Variants in GAB1 observed in about 807,000 individuals in gnomAD.
The protein encoded by GAB1 is GRB2-associated-binding protein 1.
Under a neutral mutation model 66.5 loss-of-function variants are expected in GAB1, and 19 were observed. The observed-to-expected ratio is 0.29, with a 90% CI of 0.20 to 0.42. GAB1 has a LOEUF of 0.42. Ranked by LOEUF, GAB1 falls within the 10% of genes least tolerant of loss-of-function variation. The pLI, the probability that GAB1 is intolerant of heterozygous loss-of-function variation, is 1.00. For missense variants in GAB1, 732 were observed against 858.5 expected, an observed-to-expected ratio of 0.85 and a Z score of 1.84; for synonymous variants, 294 against 301.4, an observed-to-expected ratio of 0.98 and a Z score of 0.25.
At chr4:143,360,890 A>G (rs189190408) in intron 1 of GAB1, among the ~76,000 whole-genome samples, 119 of 152,358 alleles carry the variant, frequency 7.8e-4, no homozygotes, top group African/African-American at 2.7e-3. Context: ...AAGTCAGATT[A>G]TTGTAGGAGA....
chr4:143,393,772 T>G (rs919172816), intron 1 of GAB1, among the ~76,000 whole-genome samples: 5 of 152,082 alleles, frequency 3.3e-5, no homozygotes, highest in Non-Finnish European at 5.9e-5. Flanking sequence ...AGGCCCATAG[T>G]CAAATGTAAA....
At chr4:143,345,826 C>T (rs300918) in intron 1 of GAB1, among the ~76,000 whole-genome samples, 71,080 of 152,106 alleles carry the variant, frequency 0.47, 18,055 homozygotes, top group East Asian at 0.74. Flanking sequence ...GCAAGTTTCA[C>T]ATTTGCTTTT....
intron 1 of GAB1, among the ~76,000 whole-genome samples, chr4:143,338,070 T>C (rs1403004625): frequency 6.6e-6 from 1 of 152,198 alleles, no homozygotes; most frequent in Admixed American, 6.5e-5. Context: ...TAATGGTGTT[T>C]GTGTAATTGA....
At position 143,433,666 on chromosome 4, in the gene GAB1, A is replaced by G; in HGVS notation, c.543A>G (p.Gln181=). 6.2e-7 allele frequency: 1 copy of G among 1,614,038 alleles called. No homozygotes were observed. The highest frequency in any genetic ancestry group is 8.5e-7 in the Non-Finnish European group (1 of 1,179,922). ...CTCTTGGCATTCAGGAGGATCCTCA[A>G]GACTACCTGTTGCTCATCAACTGTC... ...LETLGIQEDP[Q]DYLLLINCQS... The change falls in exon 3 of 10, where the codon CAA becomes CAG. Residue 181 remains glutamine (Q), a synonymous_variant. Coordinates refer to ENST00000262994, the MANE Select transcript of GAB1 (RefSeq NM_002039.4).
intron 2 of GAB1, chr4:143,425,628 G>T (rs577058247): frequency 7.5e-5 from 57 of 761,664 alleles, no homozygotes; most frequent in Non-Finnish European, 1.0e-4. Context: ...ACATCCATGG[G>T]AGGTCATGCC....
Position 143,425,150 on chromosome 4 carries a change from G to A in GAB1, c.368-8341G>A, listed in dbSNP as rs145294438. The A allele has an allele frequency of 6.7e-5, 55 of 814,830 alleles. 1 individual carries two copies. The East Asian group carries it at 1.3e-3, about 19-fold the overall frequency. 50.5% of individuals were successfully genotyped at this position (814,830 alleles called of 1,614,324 possible). A position where few individuals can be genotyped will look rare whatever the true frequency, so the allele number is the denominator to read the frequency against. On this transcript the variant is annotated intron_variant, in intron 2 of 9. Transcript: ENST00000262994. ...GTGGCACCAGTCTTGACTTCCAGAT[G>A]GAATAGTACATCTCTAAAAGGAAAA...
chr4:143,342,187 C>T (rs189479022), intron 1 of GAB1, among the ~76,000 whole-genome samples: 220 of 151,972 alleles, frequency 1.4e-3, no homozygotes, highest in Non-Finnish European at 2.2e-3. Flanking sequence ...GAACTCTCCA[C>T]GTGCAACTTG....
chr4:143,344,378 A>C (rs1220376126), intron 1 of GAB1, among the ~76,000 whole-genome samples: 1 of 152,116 alleles, frequency 6.6e-6, no homozygotes, highest in African/African-American at 2.4e-5. Flanking sequence ...AATTTCCACC[A>C]AGTTAGAGCT....
intron 1 of GAB1, among the ~76,000 whole-genome samples, chr4:143,348,951 C>T (rs550995018): frequency 6.6e-6 from 1 of 152,186 alleles, no homozygotes; most frequent in South Asian, 2.1e-4. Context: ...ACTTTGGGAA[C>T]CTTCTCTGAA....
At chr4:143,345,313 T>C (rs564361353) in intron 1 of GAB1, among the ~76,000 whole-genome samples, 5 of 152,208 alleles carry the variant, frequency 3.3e-5, no homozygotes, top group Non-Finnish European at 7.3e-5. Flanking sequence ...CTTTTTACTT[T>C]GAATTCATAC....
chr4:143,349,723 T>C, intron 1 of GAB1: 1 of 1,582,860 alleles, frequency 6.3e-7, no homozygotes, highest in Non-Finnish European at 8.6e-7. Context: ...GGCCACCTCC[T>C]TGGAGCACTT....
intron 1 of GAB1, among the ~76,000 whole-genome samples, chr4:143,350,786 G>T (rs527713622): frequency 6.6e-6 from 1 of 151,986 alleles, no homozygotes; most frequent in African/African-American, 2.4e-5. Flanking sequence ...GTATTTAGGA[G>T]CAAAAATTGA....
At chr4:143,440,674 T>C (rs1198094827) in intron 6 of GAB1, among the ~76,000 whole-genome samples, 1 of 152,158 alleles carries the variant, frequency 6.6e-6, no homozygotes, top group Non-Finnish European at 1.5e-5. Flanking sequence ...GAAACTGGAC[T>C]GCCGTAGCCC....
chr4:143,413,824 C>CTTTTTTTTTTT (rs35422180), intron 1 of GAB1, among the ~76,000 whole-genome samples: 5 of 67,824 alleles, frequency 7.4e-5, no homozygotes, highest in African/African-American at 2.8e-4. Flanking sequence ...CCCCGCTGCC[C>CTTTTTTTTTTT]TTTTTTTTTT....
At chr4:143,381,650 C>G (rs1730663063) in intron 1 of GAB1, among the ~76,000 whole-genome samples, 1 of 152,120 alleles carries the variant, frequency 6.6e-6, no homozygotes, top group African/African-American at 2.4e-5. Flanking sequence ...GTATTTTGCT[C>G]CAGTCTGTTA....
chr4:143,362,620 A>G (rs541932022), intron 1 of GAB1, among the ~76,000 whole-genome samples: 3 of 152,202 alleles, frequency 2.0e-5, no homozygotes, highest in African/African-American at 4.8e-5. Flanking sequence ...GTAAACTGTC[A>G]TGGCGCTGAT....
chr4:143,468,716 G>A (rs1375424208), intron 9 of GAB1, among the ~76,000 whole-genome samples: 1 of 151,660 alleles, frequency 6.6e-6, no homozygotes, highest in African/African-American at 2.4e-5. Flanking sequence ...TTGAGGTGAG[G>A]AGTTTGAGAC....
intron 1 of GAB1, 34 bp from the exon 2 acceptor site, chr4:143,415,438 CAAGTT>C (rs750889052): frequency 1.3e-5 from 19 of 1,464,820 alleles, no homozygotes; most frequent in Non-Finnish European, 1.7e-5. Flanking sequence ...AACATTATCT[CAAGTT>C]AATACTGAAT....
intron 1 of GAB1, among the ~76,000 whole-genome samples, chr4:143,379,636 A>G (rs925348062): frequency 2.0e-5 from 3 of 152,046 alleles, no homozygotes; most frequent in African/African-American, 4.8e-5. Context: ...CTGTCACCCA[A>G]GCTAGCCTGC....
Sources: gnomAD v4.1 joint callset for allele counts (sites outside exome capture counted in the v4.1 genomes callset) on GRCh38, gnomAD v4.1.1 for gene constraint, MANE v1.5 for transcripts, NCBI Gene and HGNC (gene_info 2026-07-23, HGNC 2026-07-21) for gene names.